The following FAN1 variants were observed in gnomAD, a reference collection of about 807,000 sequenced individuals.
The protein encoded by FAN1 is FANCD2 and FANCI associated nuclease 1.
In FAN1, 91 loss-of-function variants were observed where a neutral mutation model predicts 104.9. The ratio of observed to expected loss-of-function variants is 0.87; its 90% confidence interval spans 0.73 to 1.03. FAN1 has a LOEUF of 1.03. FAN1 is among the 50% of genes least tolerant of loss of function. FAN1 has a pLI of 0.00. For missense variants in FAN1, 1,263 were observed against 1,239.9 expected, an observed-to-expected ratio of 1.02 and a Z score of -0.28; for synonymous variants, 478 against 457.6, an observed-to-expected ratio of 1.04 and a Z score of -0.57.
rs1240550113 is a variant in FAN1, at chr15:30,922,269, A to T, written c.2087A>T (p.Gln696Leu). Reference protein sequence around the residue: ...AVRELESLLSQRIYCPDSRGR... With the variant: ...AVRELESLLSLRIYCPDSRGR... ...AGAGAACTTGAAAGCCTTTTGTCTCAGAGAATTTATTGTCCTGACAGCAGA... is the reference window on the plus strand; with the variant it reads ...AGAGAACTTGAAAGCCTTTTGTCTCTGAGAATTTATTGTCCTGACAGCAGA... Residue 696 changes from glutamine (Q) to leucine (L), a missense_variant, in exon 8 of 15, where the codon CAG becomes CTG. Gln to Leu is a moderately radical substitution (Grantham distance 113). Transcript: ENST00000362065. The T allele has an allele frequency of 1.9e-6, 3 of 1,613,360 alleles. No homozygotes were observed. Among genetic ancestry groups the T allele is most frequent in the Non-Finnish European group, 2.5e-6 (3 of 1,179,898 alleles).
chr15:30,922,491 G>A, intron 8 of FAN1, 137 bp downstream of exon 8: 1 of 933,618 alleles, frequency 1.1e-6, no homozygotes, highest in Non-Finnish European at 1.6e-6. Context: ...TTTTGTCTGT[G>A]TTCTTCCAAC....
intron 9 of FAN1, 137 bp downstream of exon 9, chr15:30,925,428 T>C (rs2062435647): frequency 4.7e-6 from 4 of 852,704 alleles, no homozygotes; most frequent in African/African-American, 1.7e-5. Flanking sequence ...TTTGGACGGC[T>C]GTGTGGCCAT....
intron 12 of FAN1, among the ~76,000 whole-genome samples, chr15:30,929,715 AATAT>A (rs1176222373): frequency 1.8e-5 from 1 of 56,774 alleles, no homozygotes; most frequent in African/African-American, 6.6e-5. Context: ...TATCATATAT[AATAT>A]ATATAAAATA....
In FAN1 at chr15:30,914,088, T is replaced by G. The variant is rs762589841; in HGVS notation, c.1808T>G (p.Ile603Ser). Reference sequence around the variant, plus strand: ...ATCTTCCAAGACAGAGATGATCTTATCAGGTAAGATGATGTTAGCTCACTA... The same window carrying G: ...ATCTTCCAAGACAGAGATGATCTTAGCAGGTAAGATGATGTTAGCTCACTA... ...THIFQDRDDL[I>S]RYAAATHMLS... The change falls in exon 5 of 15, where the codon ATC (isoleucine) becomes AGC (serine). Residue 603 changes from isoleucine to serine, a missense_variant. This residue lies in a region of FAN1 where 581 missense variants were observed against 668.8 expected (regional missense o/e 0.87). Coordinates refer to ENST00000362065, the MANE Select transcript of FAN1 (RefSeq NM_014967.5). 1 of 1,596,434 alleles carries G rather than the reference T, an allele frequency of 6.3e-7. No homozygotes were observed. Among genetic ancestry groups the G allele is most frequent in the East Asian group, 2.2e-5 (1 of 44,794 alleles).
intron 5 of FAN1, among the ~76,000 whole-genome samples, chr15:30,914,689 A>G (rs1199876969): frequency 6.6e-6 from 1 of 152,194 alleles, no homozygotes; most frequent in Non-Finnish European, 1.5e-5. Context: ...ACACAGACAT[A>G]TTAACAAACT....
chr15:30,925,569 T>G (rs958708162), intron 9 of FAN1, among the ~76,000 whole-genome samples: 2 of 152,204 alleles, frequency 1.3e-5, no homozygotes, highest in Non-Finnish European at 2.9e-5. Flanking sequence ...ATTTACTCAC[T>G]GGGGACCTGT....
chr15:30,905,958 C>A, intron 2 of FAN1, 61 bp downstream of exon 2: 1 of 1,479,894 alleles, frequency 6.8e-7, no homozygotes, highest in South Asian at 1.3e-5. Context: ...CTGATTGGGG[C>A]ATGATGTGAT....
intron 12 of FAN1, among the ~76,000 whole-genome samples, chr15:30,929,655 A>AATATATGAAATATATATCATATAAT (rs2062575934): frequency 1.6e-5 from 1 of 62,564 alleles, no homozygotes; most frequent in Non-Finnish European, 3.3e-5. Context: ...TATATAATAT[A>AATATATGAAATATATATCATATAAT]ATATATGAAA....
intron 13 of FAN1, among the ~76,000 whole-genome samples, chr15:30,931,750 C>G (rs2062715479): frequency 6.6e-6 from 1 of 152,076 alleles, no homozygotes; most frequent in South Asian, 2.1e-4. Context: ...GGGTCTGTTT[C>G]TATATACTCT....
chr15:30,924,456 G>A (rs1425229232), intron 8 of FAN1, among the ~76,000 whole-genome samples: 1 of 152,188 alleles, frequency 6.6e-6, no homozygotes, highest in Non-Finnish European at 1.5e-5. Flanking sequence ...CACCAGCAAT[G>A]CGTGAGGTTT....
chr15:30,925,971 A>T, intron 10 of FAN1, 32 bp downstream of exon 10: 1 of 1,610,510 alleles, frequency 6.2e-7, no homozygotes, highest in Non-Finnish European at 8.5e-7. Flanking sequence ...TGTGGCACCC[A>T]GCCCCGGGTG....
intron 13 of FAN1, among the ~76,000 whole-genome samples, chr15:30,934,557 A>G (rs893826920): frequency 4.6e-5 from 7 of 151,460 alleles, no homozygotes; most frequent in African/African-American, 1.7e-4. Flanking sequence ...TGGTTTTTGT[A>G]TTTTTTAGAG....
chr15:30,936,051 T>C (rs1294517585), intron 13 of FAN1, among the ~76,000 whole-genome samples: 1 of 152,152 alleles, frequency 6.6e-6, no homozygotes, highest in Admixed American at 6.5e-5. Context: ...GGGACTCTAA[T>C]TAAATGTCCC....
chr15:30,943,081 T>C lies in FAN1; in HGVS notation c.*1519T>C, dbSNP rs747148356. 3.3e-6 allele frequency: 5 copies of C among 1,523,508 alleles called. No individual in the cohort carries two copies. The highest frequency in any genetic ancestry group is 4.4e-6 in the Non-Finnish European group (5 of 1,136,536). 94.4% of individuals were successfully genotyped at this position (1,523,508 alleles called of 1,614,324 possible). A position where few individuals can be genotyped will look rare whatever the true frequency, so the allele number is the denominator to read the frequency against. On this transcript the variant is annotated 3_prime_UTR_variant, in exon 15 of 15. Transcript: ENST00000362065. ...TTGCTTATAGCAAATTCCTGCAAAATAAATAAATAAATATTTGCAAAACTA... is the reference window on the plus strand; with the variant it reads ...TTGCTTATAGCAAATTCCTGCAAAACAAATAAATAAATATTTGCAAAACTA...
chr15:30,929,719 T>TATC (rs1285889024), intron 12 of FAN1, among the ~76,000 whole-genome samples: 3 of 76,298 alleles, frequency 3.9e-5, no homozygotes, highest in Non-Finnish European at 6.5e-5. Flanking sequence ...ATATATAATA[T>TATC]ATATAAAATA....
Position 30,942,285 on chromosome 15 carries a change from G to T in FAN1, c.*723G>T. 1.6e-6 allele frequency: 1 copy of T among 626,574 alleles called. No individual in the cohort carries two copies. The highest frequency in any genetic ancestry group is 2.7e-6 in the Non-Finnish European group (1 of 368,434). The allele number at this position is 626,574 out of a possible 1,614,324, so 38.8% of individuals were successfully genotyped here. ...GACTCTACCTAGGCTGTTACTATCAGCCTGAATGGGGGCGGGATGAGAGTA... is the reference window on the plus strand; with the variant it reads ...GACTCTACCTAGGCTGTTACTATCATCCTGAATGGGGGCGGGATGAGAGTA... On this transcript the variant is annotated 3_prime_UTR_variant, in exon 15 of 15. Transcript: ENST00000362065.
At position 30,942,585 on chromosome 15, in the gene FAN1, C is replaced by T. The variant is rs993215693; in HGVS notation, c.*1023C>T. 1.9e-5 allele frequency: 7 copies of T among 375,872 alleles called. No individual in the cohort carries two copies. Among genetic ancestry groups the T allele is most frequent in the African/African-American group, 8.3e-5 (4 of 48,164 alleles). The allele number at this position is 375,872 out of a possible 1,614,324, so 23.3% of individuals were successfully genotyped here. A position where few individuals can be genotyped will look rare whatever the true frequency, so the allele number is the denominator to read the frequency against. On this transcript the variant is annotated 3_prime_UTR_variant, in exon 15 of 15. Transcript: ENST00000362065. ...AGGCCATGACTACATCACAGCCAGGCGGCATTCCCTGCCACAGTGGCGGCT... is the reference window on the plus strand; with the variant it reads ...AGGCCATGACTACATCACAGCCAGGTGGCATTCCCTGCCACAGTGGCGGCT...
chr15:30,937,156 A>G lies in FAN1; in HGVS notation c.2954A>G (p.His985Arg), dbSNP rs764478646. ...AAAGGCCCCAATGATCGTCTTTCACATAAGCAGATGATCTGGCTGGCTGAA... is the reference window on the plus strand; with the variant it reads ...AAAGGCCCCAATGATCGTCTTTCACGTAAGCAGATGATCTGGCTGGCTGAA... ...EVKGPNDRLS[H>R]KQMIWLAELQ... The change falls in exon 14 of 15, where the codon CAT becomes CGT. Residue 985 changes from histidine to arginine, a missense_variant. His to Arg is a conservative substitution (Grantham distance 29, BLOSUM62 0). Around this residue, in one of 2 missense-constraint regions of FAN1, gnomAD observed 581 missense variants for 668.8 expected, o/e 0.87. Transcript: ENST00000362065. 1 of 1,614,052 alleles carries G rather than the reference A, an allele frequency of 6.2e-7. No individual in the cohort carries two copies. The highest frequency in any genetic ancestry group is 1.7e-5 in the Admixed American group (1 of 59,982).
In FAN1 at chr15:30,905,170, A is replaced by C. The variant is rs372161455; in HGVS notation, c.507A>C (p.Ser169=). ...GAAAATACGTAAAGGCTAAAAAATCAATAGATAAGGATGAAGAATTTGCCG... is the reference window on the plus strand; with the variant it reads ...GAAAATACGTAAAGGCTAAAAAATCCATAGATAAGGATGAAGAATTTGCCG... ...LSRKYVKAKK[S]IDKDEEFAGS... Residue 169 remains serine (S), a synonymous_variant, in exon 2 of 15, where the codon TCA becomes TCC. Coordinates refer to ENST00000362065, the MANE Select transcript of FAN1 (RefSeq NM_014967.5). 1.2e-6 allele frequency: 2 copies of C among 1,613,818 alleles called. No homozygotes were observed.
Sources: gnomAD v4.1 joint callset for allele counts (sites outside exome capture counted in the v4.1 genomes callset) on GRCh38, gnomAD v4.1.1 for gene constraint, gnomAD v4.1.1 regional missense constraint, MANE v1.5 for transcripts, NCBI Gene and HGNC (gene_info 2026-07-23, HGNC 2026-07-21) for gene names.